ZFP92: variants seen among roughly 807,000 people sequenced by gnomAD.
ZFP92 encodes zinc finger protein 92 homolog.
ZFP92 carries 2 observed loss-of-function variants against 7.6 expected under a neutral mutation model. That is an observed-to-expected ratio of 0.26 (90% CI 0.11 to 0.83). The LOEUF (loss-of-function observed/expected upper bound fraction) is 0.83. Among genes scored for constraint, ZFP92 ranks in the 40% least tolerant of loss-of-function variants. The probability of loss-of-function intolerance (pLI) is 0.65; values close to 1 mark genes in which losing one functional copy is unlikely to be tolerated. For missense variants in ZFP92, 324 were observed against 408.3 expected (o/e 0.79, Z 1.78); for synonymous variants, 226 against 183.6 (o/e 1.23, Z -1.87).
chrX:153,422,758 G>C lies in ZFP92; in HGVS notation c.*1130G>C. On this transcript the variant is annotated 3_prime_UTR_variant, in exon 6 of 6. Transcript: ENST00000338647. ...CGTGACATTTTGTAGAATACTGGAC[G>C]TTCCGTTGCTTTGATTGTTTTTGTA... 1 of 112,770 alleles carries C rather than the reference G, an allele frequency of 8.9e-6. No individual in the cohort carries two copies. Among genetic ancestry groups the C allele is most frequent in the East Asian group, 2.8e-4 (1 of 3,577 alleles). The allele number at this position is 112,770 out of a possible 1,213,427, so 9.3% of individuals were successfully genotyped here.
At position 153,424,044 on chromosome X, in the gene ZFP92, C is replaced by G. The variant is rs782392689; in HGVS notation, c.*2416C>G. 1.8e-5 allele frequency: 2 copies of G among 113,141 alleles called. No homozygotes were observed. The highest frequency in any genetic ancestry group is 1.9e-5 in the Non-Finnish European group (1 of 53,409). 9.3% of individuals were successfully genotyped at this position (113,141 alleles called of 1,213,427 possible). A position where few individuals can be genotyped will look rare whatever the true frequency, so the allele number is the denominator to read the frequency against. On this transcript the variant is annotated 3_prime_UTR_variant, in exon 6 of 6. Coordinates refer to ENST00000338647, the MANE Select transcript of ZFP92 (RefSeq NM_001136273.2). ...GCTTTCACTAAAGAAGAATCGACTC[C>G]TTAGTATCTTGTCATGCCATTGGTT...
At chrX:153,417,714 G>C (rs1054776617) in intron 2 of ZFP92, among the ~76,000 whole-genome samples, 6 of 112,146 alleles carry the variant, frequency 5.4e-5, no homozygotes, top group African/African-American at 1.9e-4. Context: ...CACCTCAATT[G>C]CAGAGAGTGT....
At chrX:153,419,767 T>C (rs1181421071) in intron 4 of ZFP92, among the ~76,000 whole-genome samples, 5 of 112,743 alleles carry the variant, frequency 4.4e-5, no homozygotes, top group African/African-American at 1.3e-4. Context: ...CTGGATTCCT[T>C]CTGACACTCA....
rs1161926321 is a variant in ZFP92, at chrX:153,421,873, C to CTGGG, written c.*246_*249dup. 2 of 276,968 alleles carry CTGGG rather than the reference C, an allele frequency of 7.2e-6. No homozygotes were observed. The highest frequency in any genetic ancestry group is 7.3e-5 in the Admixed American group (1 of 13,655). 22.8% of individuals were successfully genotyped at this position (276,968 alleles called of 1,213,427 possible). A position where few individuals can be genotyped will look rare whatever the true frequency, so the allele number is the denominator to read the frequency against. On this transcript the variant is annotated 3_prime_UTR_variant, in exon 6 of 6. Coordinates refer to ENST00000338647, the MANE Select transcript of ZFP92 (RefSeq NM_001136273.2). ...GCTCCTCCATCAACGGCAGTGCGGG[C>CTGGG]TGGGAATGGAGGCCCTCTACTCCCT...
intron 2 of ZFP92, among the ~76,000 whole-genome samples, chrX:153,417,381 G>C (rs1037521254): frequency 8.9e-6 from 1 of 112,221 alleles, no homozygotes; most frequent in Non-Finnish European, 1.9e-5. Flanking sequence ...GCAGCCTCCA[G>C]CTCTCTGCCT....
rs1556974351 is a variant in ZFP92, at chrX:153,418,679, G to C, written c.40G>C (p.Val14Leu). The C allele has an allele frequency of 6.0e-6, 7 of 1,165,843 alleles. No individual in the cohort carries two copies. The African/African-American group carries it at 1.1e-4, about 18-fold the overall frequency. Residue 14 changes from valine to leucine, a missense_variant, in exon 4 of 6, where the codon GTA (valine) becomes CTA (leucine). By Grantham distance (32) the Val-to-Leu change is conservative. Transcript: ENST00000338647. ...CAAGAATGCCTTATTTTAGGTGCCA[G>C]TATCTTTTGAGGATGTGTCCGTGTA... is the stretch of plus-strand genomic sequence containing the variant. ...ILLTTRPKVPVSFEDVSVYFT... is the reference protein window; with the variant it reads ...ILLTTRPKVPLSFEDVSVYFT...
rs2088997031 is a variant in ZFP92, at chrX:153,421,085, C to T, written c.708C>T (p.Phe236=). The change falls in exon 6 of 6, where the codon TTC becomes TTT. Residue 236 remains phenylalanine (F), a synonymous_variant. Transcript: ENST00000338647. The part of the protein sequence containing the change: ...HQVIHSGERP[F]ACGDCGKLFR... ...TCATCCACAGCGGCGAGCGGCCCTT[C>T]GCCTGCGGCGACTGCGGCAAACTGT... The T allele has an allele frequency of 8.5e-7, 1 of 1,181,997 alleles. No individual in the cohort carries two copies. Among genetic ancestry groups the T allele is most frequent in the Non-Finnish European group, 1.1e-6 (1 of 880,631 alleles).
In ZFP92 at chrX:153,424,562, A is replaced by G. The variant is rs2089030287; in HGVS notation, c.*2934A>G. ...GCTTTGTGATGGACAGCTAGAATGT[A>G]AAAGCTTAAACTATGGGGAAAGTCT... On this transcript the variant is annotated 3_prime_UTR_variant, in exon 6 of 6. Transcript: ENST00000338647. The G allele has an allele frequency of 8.9e-6, 1 of 112,252 alleles. No homozygotes were observed. The highest frequency in any genetic ancestry group is 1.9e-5 in the Non-Finnish European group (1 of 53,228). The allele number at this position is 112,252 out of a possible 1,213,427, so 9.3% of individuals were successfully genotyped here. A position where few individuals can be genotyped will look rare whatever the true frequency, so the allele number is the denominator to read the frequency against.
chrX:153,420,803 G>A lies in ZFP92; in HGVS notation c.426G>A (p.Pro142=), dbSNP rs1371360603. 1 of 1,169,067 alleles carries A rather than the reference G, an allele frequency of 8.6e-7. No homozygotes were observed. The highest frequency in any genetic ancestry group is 1.1e-6 in the Non-Finnish European group (1 of 873,554). The change falls in exon 6 of 6, where the codon CCG becomes CCA. Residue 142 remains proline (P), a synonymous_variant. Coordinates refer to ENST00000338647, the MANE Select transcript of ZFP92 (RefSeq NM_001136273.2). The part of the protein sequence containing the change: ...QGLGQSSAAG[P]QGPKGAEKRY... The stretch of plus-strand genomic sequence containing the variant: ...TGGGGCAGAGTTCGGCTGCGGGGCC[G>A]CAGGGCCCCAAAGGCGCGGAGAAGC...
At chrX:153,419,413 G>C (rs1223587709) in intron 4 of ZFP92, among the ~76,000 whole-genome samples, 1 of 112,594 alleles carries the variant, frequency 8.9e-6, no homozygotes, top group Non-Finnish European at 1.9e-5. Flanking sequence ...GACGGATGGG[G>C]GCCGGAGCAC....
In ZFP92 at chrX:153,411,694, C is replaced by A. The variant is rs2088908301; in HGVS notation, c.-77C>A. On this transcript the variant is annotated 5_prime_UTR_variant, in exon 1 of 6. Coordinates refer to ENST00000338647, the MANE Select transcript of ZFP92 (RefSeq NM_001136273.2). ...GGAGGCCGACTCCCTCGGCTGCCCGCCGAGCCCAGGTAAGAGGGCCGAGCT... is the reference window on the plus strand; with the variant it reads ...GGAGGCCGACTCCCTCGGCTGCCCGACGAGCCCAGGTAAGAGGGCCGAGCT... 8.8e-6 allele frequency among the ~76,000 whole-genome samples: 1 copy of A among 113,069 alleles called. No individual in the cohort carries two copies. The highest frequency in any genetic ancestry group is 3.5e-4 in the South Asian group (1 of 2,821).
chrX:153,412,889 G>A (rs2088920252), intron 2 of ZFP92, among the ~76,000 whole-genome samples: 1 of 112,201 alleles, frequency 8.9e-6, no homozygotes, highest in African/African-American at 3.2e-5. Flanking sequence ...GCCCCCTTTT[G>A]GCTAGGTTAC....
At chrX:153,413,349 G>T (rs782798170) in intron 2 of ZFP92, among the ~76,000 whole-genome samples, 1 of 105,660 alleles carries the variant, frequency 9.5e-6, no homozygotes, top group Non-Finnish European at 1.9e-5. Flanking sequence ...AGGCTTCCTT[G>T]CTGGCAGTGG....
In ZFP92 at chrX:153,423,939, A is replaced by G. The variant is rs1208644645; in HGVS notation, c.*2311A>G. On this transcript the variant is annotated 3_prime_UTR_variant, in exon 6 of 6. Coordinates refer to ENST00000338647, the MANE Select transcript of ZFP92 (RefSeq NM_001136273.2). ...TTCATTCAACTGAACCAGGAAAGAA[A>G]CAGATCCACGCACTCTGATACCCAT... 1 of 113,355 alleles carries G rather than the reference A, an allele frequency of 8.8e-6. No homozygotes were observed. The highest frequency in any genetic ancestry group is 3.2e-5 in the African/African-American group (1 of 31,251). The allele number at this position is 113,355 out of a possible 1,213,427, so 9.3% of individuals were successfully genotyped here.
Position 153,411,559 on chromosome X carries a change from G to A in ZFP92, c.-212G>A, listed in dbSNP as rs1182519002. 2.7e-5 allele frequency among the ~76,000 whole-genome samples: 3 copies of A among 112,869 alleles called. No homozygotes were observed. The highest frequency in any genetic ancestry group is 5.6e-5 in the Non-Finnish European group (3 of 53,170). ...GAGCGGTACCCAGAGGCGAAGTCGA[G>A]ACAAGCCCAGGAGCCCCCACCCCCC... On this transcript the variant is annotated 5_prime_UTR_variant, in exon 1 of 6. Coordinates refer to ENST00000338647, the MANE Select transcript of ZFP92 (RefSeq NM_001136273.2).
At position 153,421,577 on chromosome X, in the gene ZFP92, C is replaced by A. The variant is rs1391681102; in HGVS notation, c.1200C>A (p.Ser400Arg). Residue 400 changes from serine to arginine, a missense_variant, in exon 6 of 6, where the codon AGC becomes AGA. By Grantham distance (110) the Ser-to-Arg change is moderately radical. Transcript: ENST00000338647. ...TGPGSAVAATSPPRPSTAARP... is the reference protein window; with the variant it reads ...TGPGSAVAATRPPRPSTAARP... ...CTGGGAGCGCGGTGGCGGCCACCAG[C>A]CCCCCGCGGCCGAGCACAGCCGCCA... The A allele has an allele frequency of 1.2e-4, 128 of 1,046,248 alleles. No individual in the cohort carries two copies. The highest frequency in any genetic ancestry group is 1.5e-4 in the Non-Finnish European group (122 of 822,410). The allele number at this position is 1,046,248 out of a possible 1,213,427, so 86.2% of individuals were successfully genotyped here.
Position 153,424,684 on chromosome X carries a change from CTG to C in ZFP92, c.*3059_*3060del, listed in dbSNP as rs2089031222. On this transcript the variant is annotated 3_prime_UTR_variant, in exon 6 of 6. Transcript: ENST00000338647. Reference sequence around the variant, plus strand: ...GTCTTTGGGCTTTTGCCCTTTGAAACTGTGAATGCTTCAAGAGCCACATAAAT... The same window carrying C: ...GTCTTTGGGCTTTTGCCCTTTGAAACTGAATGCTTCAAGAGCCACATAAAT... 8.9e-6 allele frequency: 1 copy of C among 112,456 alleles called. No individual in the cohort carries two copies. Among genetic ancestry groups the C allele is most frequent in the Admixed American group, 9.4e-5 (1 of 10,658 alleles). 9.3% of individuals were successfully genotyped at this position (112,456 alleles called of 1,213,427 possible). A position where few individuals can be genotyped will look rare whatever the true frequency, so the allele number is the denominator to read the frequency against.
At position 153,425,426 on chromosome X, in the gene ZFP92, A is replaced by AGAG. The variant is rs1170671102; in HGVS notation, c.*3799_*3801dup. Reference sequence around the variant, plus strand: ...ATGGGCTAAAGGGTCAGTTAGAACCAGAGTATGGAGAGTCTGGGATGCCAT... The same window carrying AGAG: ...ATGGGCTAAAGGGTCAGTTAGAACCAGAGGAGTATGGAGAGTCTGGGATGCCAT... On this transcript the variant is annotated 3_prime_UTR_variant, in exon 6 of 6. Transcript: ENST00000338647. The AGAG allele has an allele frequency of 1.8e-5, 2 of 112,046 alleles. No homozygotes were observed. Among genetic ancestry groups the AGAG allele is most frequent in the Non-Finnish European group, 3.8e-5 (2 of 53,211 alleles). 9.2% of individuals were successfully genotyped at this position (112,046 alleles called of 1,213,427 possible).
At position 153,420,689 on chromosome X, in the gene ZFP92, TG is replaced by T; in HGVS notation, c.314del (p.Gly105AspfsTer280). 1 of 1,129,038 alleles carries T rather than the reference TG, an allele frequency of 8.9e-7. No individual in the cohort carries two copies. Among genetic ancestry groups the T allele is most frequent in the Non-Finnish European group, 1.2e-6 (1 of 853,633 alleles). The allele number at this position is 1,129,038 out of a possible 1,213,427, so 93.0% of individuals were successfully genotyped here. On this transcript the variant is annotated frameshift_variant, in exon 6 of 6. Transcript: ENST00000338647. LOFTEE classifies it low-confidence loss of function (END_TRUNC). ...CGTCGACTTCAACGCAGAAGCATTC[TG>T]GACGACAACTCCCCGGGGCCGATCC... is the stretch of plus-strand genomic sequence containing the variant. ...KTSTSTQKHSGRQLPGADPQG... is the reference protein window; with the variant it reads ...KTSTSTQKHSXRQLPGADPQG...
Sources: gnomAD v4.1 joint callset for allele counts (sites outside exome capture counted in the v4.1 genomes callset) on GRCh38, gnomAD v4.1.1 for gene constraint, MANE v1.5 for transcripts, NCBI Gene and HGNC (gene_info 2026-07-23, HGNC 2026-07-21) for gene names.